The following PPP1R13B variants were observed in gnomAD, a reference collection of about 807,000 sequenced individuals.
PPP1R13B encodes the protein protein phosphatase 1 regulatory subunit 13B.
In PPP1R13B, 44 loss-of-function variants were observed where a neutral mutation model predicts 119.8. The ratio of observed to expected loss-of-function variants is 0.37; its 90% CI spans 0.29 to 0.47. The LOEUF (loss-of-function observed/expected upper bound fraction) is 0.47. Ranked by LOEUF, PPP1R13B falls within the 20% of genes least tolerant of loss-of-function variation. PPP1R13B has a pLI of 0.99. For synonymous variants in PPP1R13B, 542 were observed against 561.5 expected, an observed-to-expected ratio of 0.97 and a Z score of 0.49; for missense variants, 1,227 against 1,413.5, an observed-to-expected ratio of 0.87 and a Z score of 2.12.
At chr14:103,770,737 A>T (rs1459841755) in intron 4 of PPP1R13B, among the ~76,000 whole-genome samples, 1 of 152,030 alleles carries the variant, frequency 6.6e-6, no homozygotes, top group Non-Finnish European at 1.5e-5. Context: ...CCTGTATCAC[A>T]CTCCTGGTAA....
chr14:103,778,559 T>G (rs943136464), intron 4 of PPP1R13B, 186 bp downstream of exon 4: 5 of 572,498 alleles, frequency 8.7e-6, no homozygotes, highest in Non-Finnish European at 1.6e-5. Context: ...ACACCTGGCC[T>G]CATCTGATTA....
intron 8 of PPP1R13B, among the ~76,000 whole-genome samples, chr14:103,748,026 C>G (rs1379404370): frequency 6.6e-6 from 1 of 151,248 alleles, no homozygotes; most frequent in Non-Finnish European, 1.5e-5. Context: ...TCTGGACTTG[C>G]CAACGTCCAC....
intron 1 of PPP1R13B, among the ~76,000 whole-genome samples, chr14:103,827,095 CGG>C (rs2086565186): frequency 6.6e-6 from 1 of 151,834 alleles, no homozygotes; most frequent in African/African-American, 2.4e-5. Flanking sequence ...GAGGCCGAGG[CGG>C]GTGGATCATG....
chr14:103,761,564 C>G (rs1039024266), intron 4 of PPP1R13B, among the ~76,000 whole-genome samples: 1 of 152,000 alleles, frequency 6.6e-6, no homozygotes, highest in Admixed American at 6.6e-5. Context: ...GAGTTCAAGA[C>G]CAGCCTGGCC....
chr14:103,841,248 G>A (rs2086899786), intron 1 of PPP1R13B, among the ~76,000 whole-genome samples: 1 of 151,814 alleles, frequency 6.6e-6, no homozygotes, highest in Non-Finnish European at 1.5e-5. Context: ...GGGTGCCACT[G>A]CAGTCCAGCC....
intron 1 of PPP1R13B, among the ~76,000 whole-genome samples, chr14:103,810,867 T>A (rs1325698734): frequency 6.7e-6 from 1 of 149,888 alleles, no homozygotes; most frequent in Non-Finnish European, 1.5e-5. Flanking sequence ...GCCCGGTGGA[T>A]CACTTGAGGT....
intron 16 of PPP1R13B, 62 bp from the exon 17 acceptor site, chr14:103,735,257 A>G: frequency 6.4e-7 from 1 of 1,557,604 alleles, no homozygotes; most frequent in East Asian, 2.2e-5. Flanking sequence ...GGCCAGCCAG[A>G]CCCGACCCCT....
chr14:103,738,011 A>G lies in PPP1R13B; in HGVS notation c.2865-151T>C, dbSNP rs1234336518. 6 of 955,756 alleles carry G rather than the reference A, an allele frequency of 6.3e-6. No individual in the cohort carries two copies. Among genetic ancestry groups the G allele is most frequent in the Middle Eastern group, 3.3e-4 (1 of 2,996 alleles). The allele number at this position is 955,756 out of a possible 1,614,324, so 59.2% of individuals were successfully genotyped here. On this transcript the variant is annotated intron_variant, in intron 14 of 16. Transcript: ENST00000202556. The surrounding 1 kb of genome is among the most constrained non-coding windows in gnomAD (Gnocchi z 5.6). The stretch of plus-strand genomic sequence containing the variant: ...TTGTTTCTTTAAAGGCAGGATTTCC[A>G]TGAGCCAATTGTTTCAGACCATACA...
chr14:103,753,749 T>C (rs369656906), intron 6 of PPP1R13B, among the ~76,000 whole-genome samples: 60 of 152,058 alleles, frequency 3.9e-4, no homozygotes, highest in South Asian at 2.9e-3. Flanking sequence ...CCGCAAGAGA[T>C]CTTTTTATTT....
At chr14:103,741,602 C>T (rs1469244465) in intron 11 of PPP1R13B, among the ~76,000 whole-genome samples, 188 bp downstream of exon 11, 1 of 152,242 alleles carries the variant, frequency 6.6e-6, no homozygotes, top group Non-Finnish European at 1.5e-5. Flanking sequence ...ATCTGCAAAA[C>T]AGCCTCCTCC....
At chr14:103,817,235 A>G (rs980865299) in intron 1 of PPP1R13B, among the ~76,000 whole-genome samples, 2 of 152,196 alleles carry the variant, frequency 1.3e-5, no homozygotes, top group Non-Finnish European at 2.9e-5. Context: ...GAAACAAGAC[A>G]GACCACCGTT....
At chr14:103,848,727 G>A (rs1264406753), upstream of PPP1R13B, among the ~76,000 whole-genome samples, 4 of 152,232 alleles carry the variant, frequency 2.6e-5, no homozygotes, top group Admixed American at 2.0e-4. Flanking sequence ...GGCAGAGCAA[G>A]GGAGGAGGCC....
intron 15 of PPP1R13B, 30 bp downstream of exon 15, chr14:103,737,664 C>T (rs1016897024): frequency 3.1e-6 from 5 of 1,607,632 alleles, no homozygotes; most frequent in Non-Finnish European, 4.3e-6. Flanking sequence ...GCAGACAGCA[C>T]CACTGTGGCC....
At chr14:103,748,381 C>T (rs2084448375) in intron 8 of PPP1R13B, among the ~76,000 whole-genome samples, 1 of 152,150 alleles carries the variant, frequency 6.6e-6, no homozygotes, top group African/African-American at 2.4e-5. Flanking sequence ...GAACTGGAAG[C>T]TCCCTTCTAC....
At chr14:103,845,663 T>C (rs1595855673) in intron 1 of PPP1R13B, among the ~76,000 whole-genome samples, 1 of 152,112 alleles carries the variant, frequency 6.6e-6, no homozygotes, top group Admixed American at 6.5e-5. Flanking sequence ...ATATTTATAA[T>C]TAAACATTAT....
At chr14:103,842,224 A>G (rs1466355613) in intron 1 of PPP1R13B, among the ~76,000 whole-genome samples, 1 of 151,956 alleles carries the variant, frequency 6.6e-6, no homozygotes, top group East Asian at 1.9e-4. Flanking sequence ...GTAGAATCAT[A>G]GCCACACTTC....
chr14:103,833,037 G>C (rs556081298), intron 1 of PPP1R13B, among the ~76,000 whole-genome samples: 5 of 152,036 alleles, frequency 3.3e-5, no homozygotes, highest in African/African-American at 1.2e-4. Flanking sequence ...AGAAGATGCA[G>C]ATAAAAACGT....
At position 103,742,748 on chromosome 14, in the gene PPP1R13B, T is replaced by A; in HGVS notation, c.1226A>T (p.Asp409Val). The change falls in exon 10 of 17, where the codon GAC becomes GTC. Residue 409 changes from aspartate to valine, a missense_variant. Physicochemically the swap from Asp to Val is radical, Grantham distance 152. Coordinates refer to ENST00000202556, the MANE Select transcript of PPP1R13B (RefSeq NM_015316.3). The surrounding 1 kb of genome is among the most constrained non-coding windows in gnomAD (Gnocchi z 4.9). ...SVKPVQVAGA[D>V]WKDPSVEGSV... ...CCCCTCCACGCTCGGATCCTTCCAGTCTGCACCGGCCACCTGCACTGGTTT... is the reference window on the plus strand; with the variant it reads ...CCCCTCCACGCTCGGATCCTTCCAGACTGCACCGGCCACCTGCACTGGTTT... 1.2e-6 allele frequency: 2 copies of A among 1,614,208 alleles called. No individual in the cohort carries two copies. Among genetic ancestry groups the A allele is most frequent in the Non-Finnish European group, 1.7e-6 (2 of 1,180,038 alleles).
chr14:103,818,583 G>C (rs1334859384), intron 1 of PPP1R13B: 1 of 728,620 alleles, frequency 1.4e-6, no homozygotes, highest in African/African-American at 1.9e-5. Context: ...GACATCAACT[G>C]GGATGGCCTT....
Sources: allele counts gnomAD v4.1 joint callset (sites outside exome capture counted in the v4.1 genomes callset), GRCh38; gene constraint gnomAD v4.1.1; non-coding constraint Gnocchi (gnomAD v3.1); transcripts MANE v1.5; gene names NCBI Gene and HGNC (gene_info 2026-07-23, HGNC 2026-07-21).